MOSMO: variants seen among roughly 807,000 people sequenced by gnomAD.
The protein encoded by MOSMO is modulator of smoothened.
Under a neutral mutation model 18.4 loss-of-function variants are expected in MOSMO, and 5 were observed. The observed-to-expected ratio is 0.27, with a 90% CI of 0.14 to 0.57. MOSMO has a LOEUF of 0.57. Ranked by LOEUF, MOSMO falls within the 20% of genes least tolerant of loss-of-function variation. The probability of loss-of-function intolerance (pLI) is 0.92; values close to 1 mark genes in which losing one functional copy is unlikely to be tolerated. For synonymous variants in MOSMO, 82 were observed against 82.3 expected (o/e 1.00, Z 0.02); for missense variants, 138 against 211.8 (o/e 0.65, Z 2.16).
At position 22,029,454 on chromosome 16, in the gene MOSMO, C is replaced by T. The variant is rs138646629; in HGVS notation, c.106+21047C>T. On this transcript the variant is annotated intron_variant, in intron 1 of 2. Transcript: ENST00000542527. ...ATTCTCTTTCCTTTTCTTCAGAATT[C>T]ACCAGTTTTAAAGCTTTTTCCTCTC... Among the ~76,000 whole-genome samples, 101 of 152,260 alleles carry T rather than the reference C, an allele frequency of 6.6e-4. 1 individual carries two copies. Among genetic ancestry groups the T allele is most frequent in the Non-Finnish European group, 1.2e-3 (81 of 68,010 alleles).
chr16:22,045,274 A>G (rs1460740624), intron 1 of MOSMO, among the ~76,000 whole-genome samples: 2 of 152,092 alleles, frequency 1.3e-5, no homozygotes, highest in African/African-American at 2.4e-5. Flanking sequence ...AGATTCTAAT[A>G]TGTTCATAGT....
intron 1 of MOSMO, among the ~76,000 whole-genome samples, chr16:22,043,219 C>G (rs931653471): frequency 1.3e-5 from 2 of 152,168 alleles, no homozygotes; most frequent in African/African-American, 2.4e-5. Context: ...TAGCATGACA[C>G]ATAGAAACTG....
At chr16:22,092,285 C>A, downstream of MOSMO, 1 of 221,988 alleles carries the variant, frequency 4.5e-6, no homozygotes. Context: ...CGCACCAGGG[C>A]TGTACTGGCC....
At chr16:22,061,520 ATG>A (rs1900644769) in intron 1 of MOSMO, among the ~76,000 whole-genome samples, 2 of 152,084 alleles carry the variant, frequency 1.3e-5, no homozygotes, top group Admixed American at 1.3e-4. Context: ...CTTTCTGTGG[ATG>A]TGTGTCTGGC....
intron 1 of MOSMO, among the ~76,000 whole-genome samples, chr16:22,012,700 C>T (rs1264361536): frequency 6.8e-6 from 1 of 146,656 alleles, no homozygotes; most frequent in East Asian, 2.0e-4. Flanking sequence ...ACTCTAATCT[C>T]TGTTCTCAGC....
chr16:22,058,838 T>C (rs1900588778), intron 1 of MOSMO, among the ~76,000 whole-genome samples: 1 of 152,196 alleles, frequency 6.6e-6, no homozygotes, highest in African/African-American at 2.4e-5. Context: ...TAGAGATCAA[T>C]TTGTGAGTCA....
chr16:22,076,664 C>T (rs1318666640), intron 2 of MOSMO, among the ~76,000 whole-genome samples: 1 of 152,136 alleles, frequency 6.6e-6, no homozygotes, highest in Non-Finnish European at 1.5e-5. Flanking sequence ...AGCTGACTTT[C>T]TCTTGATATT....
At chr16:22,065,198 A>G (rs1900726334) in intron 1 of MOSMO, among the ~76,000 whole-genome samples, 1 of 152,202 alleles carries the variant, frequency 6.6e-6, no homozygotes, top group Non-Finnish European at 1.5e-5. Flanking sequence ...AAGGCCTCCA[A>G]ACTACAGTCA....
intron 1 of MOSMO, among the ~76,000 whole-genome samples, chr16:22,067,768 A>G (rs960364750): frequency 2.0e-5 from 3 of 152,068 alleles, no homozygotes; most frequent in African/African-American, 7.2e-5. Context: ...AATCCCAGCT[A>G]CTCAGGAGGC....
rs77429693 is a variant in MOSMO at position 22,077,167 on chromosome 16, A to C, written c.319+1468A>C. ...AGGATTTAGTTTCTGGATTTAGTTG[A>C]AATTTGGGAATGCATATGCCTTGAA... On this transcript the variant is annotated intron_variant, in intron 2 of 2. Coordinates refer to ENST00000542527, the MANE Select transcript of MOSMO (RefSeq NM_001164579.2). Among the ~76,000 whole-genome samples, 152 of 152,328 alleles carry C rather than the reference A, an allele frequency of 1.0e-3. 3 individuals are homozygous for C. The East Asian group carries it at 0.027, about 27-fold the overall frequency.
intron 1 of MOSMO, among the ~76,000 whole-genome samples, chr16:22,045,917 T>C (rs943368386): frequency 2.0e-5 from 3 of 152,180 alleles, no homozygotes; most frequent in Non-Finnish European, 2.9e-5. Flanking sequence ...AGGGTGCATG[T>C]GCACAACGTG....
chr16:22,034,817 G>A (rs1900075167), intron 1 of MOSMO, among the ~76,000 whole-genome samples: 1 of 133,180 alleles, frequency 7.5e-6, no homozygotes, highest in Non-Finnish European at 1.5e-5. Flanking sequence ...GAGTACAGTG[G>A]TTGCCCAGTC....
intron 1 of MOSMO, among the ~76,000 whole-genome samples, chr16:22,045,776 G>C (rs1316158650): frequency 6.6e-6 from 1 of 152,050 alleles, no homozygotes; most frequent in South Asian, 2.1e-4. Flanking sequence ...ATGAATTTAG[G>C]TGTCAGTAGT....
intron 1 of MOSMO, among the ~76,000 whole-genome samples, chr16:22,021,917 T>A (rs996215907): frequency 6.6e-6 from 1 of 152,188 alleles, no homozygotes; most frequent in Non-Finnish European, 1.5e-5. Flanking sequence ...AGCTTTTTCA[T>A]GTATAAATGG....
intron 1 of MOSMO, among the ~76,000 whole-genome samples, chr16:22,053,527 G>T (rs1442035190): frequency 2.0e-5 from 3 of 152,236 alleles, no homozygotes; most frequent in East Asian, 1.9e-4. Context: ...TTGCAGCCAG[G>T]CACGGGGGCT....
Position 22,008,199 on chromosome 16 carries a change from C to T in MOSMO, c.-103C>T. On this transcript the variant is annotated 5_prime_UTR_variant, in exon 1 of 3. Coordinates refer to ENST00000542527, the MANE Select transcript of MOSMO (RefSeq NM_001164579.2). ...GCGCGGGGGCCGAGGGGGCGCGAGG[C>T]AGCGGCGCGGGGACTCCGGGCCCCG... The T allele has an allele frequency of 2.5e-6, 1 of 400,566 alleles. No individual in the cohort carries two copies. Among genetic ancestry groups the T allele is most frequent in the South Asian group, 6.0e-5 (1 of 16,772 alleles). 24.8% of individuals were successfully genotyped at this position (400,566 alleles called of 1,614,324 possible). A position where few individuals can be genotyped will look rare whatever the true frequency, so the allele number is the denominator to read the frequency against.
chr16:22,044,666 C>T (rs759819454), intron 1 of MOSMO, among the ~76,000 whole-genome samples: 1 of 152,162 alleles, frequency 6.6e-6, no homozygotes, highest in African/African-American at 2.4e-5. Context: ...ACTACTTACT[C>T]TCTCCATTTC....
At position 22,011,340 on chromosome 16, in the gene MOSMO, G is replaced by C. The variant is rs565736012; in HGVS notation, c.106+2933G>C. Among the ~76,000 whole-genome samples, 10 of 152,268 alleles carry C rather than the reference G, an allele frequency of 6.6e-5. No individual in the cohort carries two copies. In the South Asian group the frequency reaches 1.9e-3, roughly 28 times the overall value. On this transcript the variant is annotated intron_variant, in intron 1 of 2. Coordinates refer to ENST00000542527, the MANE Select transcript of MOSMO (RefSeq NM_001164579.2). ...ATGAATAATAAAGAATAATGTGAAG[G>C]CTTCATTCAAGGTTGGGGTTTGCCA...
chr16:22,050,675 A>C (rs1255488891), intron 1 of MOSMO, among the ~76,000 whole-genome samples: 1 of 152,126 alleles, frequency 6.6e-6, no homozygotes, highest in African/African-American at 2.4e-5. Context: ...GGATCACTTG[A>C]GGCCAGGGGT....
Sources: allele counts gnomAD v4.1 joint callset (sites outside exome capture counted in the v4.1 genomes callset), GRCh38; gene constraint gnomAD v4.1.1; transcripts MANE v1.5; gene names NCBI Gene and HGNC (gene_info 2026-07-23, HGNC 2026-07-21).